The following ROBO2 variants were observed in gnomAD, a reference collection of about 807,000 sequenced individuals.
ROBO2 encodes roundabout guidance receptor 2, also known as roundabout homolog 2.
ROBO2 carries 53 observed loss-of-function variants against 160.8 expected under a neutral mutation model. The ratio of observed to expected loss-of-function variants is 0.33; its 90% confidence interval spans 0.26 to 0.41. The LOEUF is 0.41. ROBO2 is among the 10% of genes least tolerant of loss of function. The pLI is 1.00. For missense variants in ROBO2, 1,577 were observed against 1,722.4 expected, an observed-to-expected ratio of 0.92 and a Z score of 1.49; for synonymous variants, 664 against 611.7, an observed-to-expected ratio of 1.09 and a Z score of -1.26.
At chr3:76,142,647 TG>T (rs1302976225) in intron 2 of ROBO2, among the ~76,000 whole-genome samples, 1 of 151,738 alleles carries the variant, frequency 6.6e-6, no homozygotes, top group African/African-American at 2.4e-5. Flanking sequence ...AGTAGAAGGA[TG>T]GTTACCAGAG....
At chr3:76,964,066 TA>T (rs1371029092) in intron 2 of ROBO2, among the ~76,000 whole-genome samples, 1 of 152,092 alleles carries the variant, frequency 6.6e-6, no homozygotes, top group African/African-American at 2.4e-5. Context: ...AGCTCAACTT[TA>T]AGCGTGAATA....
intron 1 of ROBO2, among the ~76,000 whole-genome samples, chr3:77,047,058 C>T (rs1022953894): frequency 1.3e-5 from 2 of 152,136 alleles, no homozygotes; most frequent in Non-Finnish European, 2.9e-5. Flanking sequence ...CCAAATGGGT[C>T]TCTTAACCTG....
chr3:75,932,808 CA>C (rs1376349576), intron 1 of ROBO2, among the ~76,000 whole-genome samples: 1 of 152,084 alleles, frequency 6.6e-6, no homozygotes, highest in Non-Finnish European at 1.5e-5. Context: ...TAAATGGGGT[CA>C]AAATTTACAT....
intron 19 of ROBO2, 57 bp downstream of exon 20, chr3:77,596,807 T>C: frequency 1.9e-6 from 3 of 1,590,296 alleles, no homozygotes. Flanking sequence ...TTTTTTTTTT[T>C]TGACCTTCCT....
intron 2 of ROBO2, among the ~76,000 whole-genome samples, chr3:76,782,556 T>A (rs1467901032): frequency 6.6e-6 from 1 of 150,840 alleles, no homozygotes; most frequent in African/African-American, 2.4e-5. Flanking sequence ...ATCATGATGC[T>A]CTAATATTGA....
rs191568223 is a variant in ROBO2, at chr3:76,015,340, A to T, written c.109+77738A>T. Among the ~76,000 whole-genome samples the T allele has an allele frequency of 2.0e-4, 30 of 152,344 alleles. 1 individual carries two copies. Among genetic ancestry groups the T allele is most frequent in the African/African-American group, 7.0e-4 (29 of 41,584 alleles). ...GTCATGTATACTTAAAAGATACCTA[A>T]CAAAATTGAGAGTTCGCAATGATGT... is the stretch of plus-strand genomic sequence containing the variant. On this transcript the variant is annotated intron_variant, in intron 2 of 26. Transcript: ENST00000487694.
rs747223897 is a variant in ROBO2, at chr3:77,056,777, G to A, written c.61+15931G>A. ...AAGGTGCTTGAATTGAGGCCATGTC[G>A]TAATCCAGGGAAGATGTTTTATAAA... On this transcript the variant is annotated intron_variant, in intron 1 of 25. Coordinates refer to ENST00000461745, the Ensembl canonical transcript of ROBO2. Among the ~76,000 whole-genome samples the A allele has an allele frequency of 5.3e-5, 8 of 152,064 alleles. No homozygotes were observed. In the Middle Eastern group the frequency reaches 0.01, roughly 194 times the overall value.
chr3:77,517,037 C>A (rs2090093871), intron 5 of ROBO2, among the ~76,000 whole-genome samples: 1 of 151,426 alleles, frequency 6.6e-6, no homozygotes, highest in Non-Finnish European at 1.5e-5. Context: ...ATGGAACATA[C>A]ATGCTCTTGG....
In ROBO2 at chr3:76,136,869, A is replaced by T. The variant is rs1299428672; in HGVS notation, c.109+199267A>T. On this transcript the variant is annotated intron_variant, in intron 2 of 26. Transcript: ENST00000487694. The stretch of plus-strand genomic sequence containing the variant: ...CTTTCCAGTCACCGTCACAAAAATG[A>T]TCATGTACAGAAGTCAGTTTCATAA... Among the ~76,000 whole-genome samples the T allele has an allele frequency of 4.6e-5, 7 of 152,190 alleles. No homozygotes were observed. In the South Asian group the frequency reaches 1.0e-3, roughly 23 times the overall value.
chr3:76,127,384 T>G (rs2071030100), intron 2 of ROBO2, among the ~76,000 whole-genome samples: 1 of 152,092 alleles, frequency 6.6e-6, no homozygotes, highest in Non-Finnish European at 1.5e-5. Flanking sequence ...TAAATTTTTT[T>G]GTTATAATTT....
At chr3:76,111,914 G>C (rs867085670) in intron 2 of ROBO2, among the ~76,000 whole-genome samples, 5 of 152,152 alleles carry the variant, frequency 3.3e-5, no homozygotes, top group Middle Eastern at 6.8e-3. Flanking sequence ...AGCTTCCTAA[G>C]ATGTCTAAAT....
intron 2 of ROBO2, among the ~76,000 whole-genome samples, chr3:76,240,402 G>A (rs974859039): frequency 5.3e-5 from 8 of 152,008 alleles, no homozygotes; most frequent in African/African-American, 1.9e-4. Flanking sequence ...TTCAAAGGGA[G>A]TGTTGGTTAA....
At position 76,657,758 on chromosome 3, in the gene ROBO2, A is replaced by G. The variant is rs189416631; in HGVS notation, c.110-440256A>G. Among the ~76,000 whole-genome samples, 1,114 of 146,896 alleles carry G rather than the reference A, an allele frequency of 7.6e-3. 11 individuals carry two copies. Among genetic ancestry groups the G allele is most frequent in the African/African-American group, 0.024 (961 of 39,924 alleles). On this transcript the variant is annotated intron_variant, in intron 2 of 26. Coordinates refer to the ROBO2 transcript ENST00000487694. The stretch of plus-strand genomic sequence containing the variant: ...TGTATATATATTCATATATATGTAT[A>G]TATATATGTTCATAGGTATGTGTAT...
intron 2 of ROBO2, among the ~76,000 whole-genome samples, chr3:76,754,703 A>G (rs1188107706): frequency 6.6e-6 from 1 of 151,876 alleles, no homozygotes; most frequent in Non-Finnish European, 1.5e-5. Flanking sequence ...TCATGCATAG[A>G]CGCCTCAAGG....
At chr3:76,073,352 G>A (rs1416672842) in intron 2 of ROBO2, among the ~76,000 whole-genome samples, 1 of 122,196 alleles carries the variant, frequency 8.2e-6, no homozygotes, top group Admixed American at 1.1e-4. Context: ...GGAGTGCAGG[G>A]GCGCGATCTG....
intron 2 of ROBO2, among the ~76,000 whole-genome samples, chr3:76,080,428 G>T (rs2068787413): frequency 6.6e-6 from 1 of 152,154 alleles, no homozygotes; most frequent in Admixed American, 6.5e-5. Context: ...ACTGGAGCCT[G>T]GATTATGTTG....
At chr3:76,855,752 T>C (rs559156079) in intron 2 of ROBO2, among the ~76,000 whole-genome samples, 1 of 152,344 alleles carries the variant, frequency 6.6e-6, no homozygotes, top group African/African-American at 2.4e-5. Context: ...AGAAATGCTT[T>C]GTTTCTTAAT....
chr3:77,052,208 ACTTGT>A (rs1389183289), intron 1 of ROBO2, among the ~76,000 whole-genome samples: 3 of 152,156 alleles, frequency 2.0e-5, no homozygotes, highest in Non-Finnish European at 4.4e-5. Context: ...ATGAATCATG[ACTTGT>A]CTCCAATATG....
At chr3:77,082,811 ATT>A (rs35236269) in intron 1 of ROBO2, among the ~76,000 whole-genome samples, 122 of 146,976 alleles carry the variant, frequency 8.3e-4, no homozygotes, top group African/African-American at 2.6e-3. Context: ...CACTTAAAAC[ATT>A]TTTTTTTTTG....
Sources: allele counts gnomAD v4.1 joint callset (sites outside exome capture counted in the v4.1 genomes callset), GRCh38; gene constraint gnomAD v4.1.1; transcripts MANE v1.5; gene names NCBI Gene and HGNC (gene_info 2026-07-23, HGNC 2026-07-21).